The following TRRAP variants were observed in gnomAD, a reference collection of about 807,000 sequenced individuals.
TRRAP encodes the protein transformation/transcription domain associated protein, also known as transformation/transcription domain-associated protein.
In TRRAP, 41 loss-of-function variants were observed where a neutral mutation model predicts 438.8. The ratio of observed to expected loss-of-function variants is 0.09; its 90% confidence interval spans 0.07 to 0.12. The LOEUF is 0.12. TRRAP is among the 10% of genes least tolerant of loss of function. The pLI, the probability that TRRAP is intolerant of heterozygous loss-of-function variation, is 1.00. For synonymous variants in TRRAP, 1,994 were observed against 1,962.9 expected (o/e 1.02, Z -0.42); for missense variants, 3,122 against 5,055.1 (o/e 0.62, Z 11.60).
intron 62 of TRRAP, among the ~76,000 whole-genome samples, chr7:98,986,324 T>C (rs1179379593): frequency 6.6e-6 from 1 of 152,370 alleles, no homozygotes; most frequent in African/African-American, 2.4e-5. Flanking sequence ...CTGGGTCATA[T>C]TGTACTTCTC....
chr7:98,891,140 C>T (rs747894995), intron 4 of TRRAP, among the ~76,000 whole-genome samples: 52 of 149,324 alleles, frequency 3.5e-4, no homozygotes, highest in South Asian at 8.5e-4. Context: ...TTTATCGACA[C>T]GCCCCCAACA....
intron 3 of TRRAP, among the ~76,000 whole-genome samples, chr7:98,889,942 A>C (rs1795892616): frequency 6.6e-6 from 1 of 152,204 alleles, no homozygotes; most frequent in South Asian, 2.1e-4. Context: ...TAATTAGCAC[A>C]TAATGAATAT....
At chr7:98,937,061 C>A in intron 28 of TRRAP, 95 bp from the exon 29 acceptor site, 1 of 1,408,102 alleles carries the variant, frequency 7.1e-7, no homozygotes, top group South Asian at 1.4e-5. Flanking sequence ...GACACCTTCT[C>A]TACCAAATAA....
chr7:98,884,441 C>T (rs555098951), intron 3 of TRRAP, among the ~76,000 whole-genome samples: 56 of 151,998 alleles, frequency 3.7e-4, no homozygotes, highest in Non-Finnish European at 5.6e-4. Context: ...CGCCTTGTTG[C>T]CCAGGCTGGT....
intron 31 of TRRAP, among the ~76,000 whole-genome samples, chr7:98,944,091 A>G (rs1790929319): frequency 6.6e-6 from 1 of 152,226 alleles, no homozygotes; most frequent in African/African-American, 2.4e-5. Flanking sequence ...TATATGTGGA[A>G]GAGAATCAGG....
chr7:98,911,313 CT>C, intron 17 of TRRAP, 42 bp downstream of exon 17: 1 of 1,511,580 alleles, frequency 6.6e-7, no homozygotes, highest in Non-Finnish European at 9.0e-7. Flanking sequence ...CATTACAATT[CT>C]TTGTTTATGT....
Position 98,976,398 on chromosome 7 carries a change from A to C in TRRAP, c.7960-85A>C, listed in dbSNP as rs1792658685. 1.3e-6 allele frequency: 2 copies of C among 1,571,202 alleles called. No homozygotes were observed. The highest frequency in any genetic ancestry group is 1.7e-6 in the Non-Finnish European group (2 of 1,161,538). On this transcript the variant is annotated intron_variant, in intron 54 of 72. Transcript: ENST00000456197. This position sits in a 1 kb window ranked among gnomAD's most constrained non-coding sequence, Gnocchi z 4.6. ...CCGCTGGCTGTCACTCGAGCGAATT[A>C]GGAAAGGTATTCTTGCATCGAGAGA...
At chr7:98,957,876 G>T (rs1554420215) in intron 43 of TRRAP, 105 bp from the exon 44 acceptor site, 13 of 946,986 alleles carry the variant, frequency 1.4e-5, no homozygotes, top group Non-Finnish European at 1.8e-5. Flanking sequence ...AGCTGCCTCT[G>T]TCCCCGGGAG....
In TRRAP at chr7:99,001,807, C is replaced by T. The variant is rs139798053; in HGVS notation, c.10310-2383C>T. ...CTCAGAAATGGCGCACTCCATTTATCCCACAGAAATGAAGACTTCCATTCA... is the reference window on the plus strand; with the variant it reads ...CTCAGAAATGGCGCACTCCATTTATTCCACAGAAATGAAGACTTCCATTCA... On this transcript the variant is annotated intron_variant, in intron 67 of 72. Transcript: ENST00000456197. Among the ~76,000 whole-genome samples, 32 of 152,290 alleles carry T rather than the reference C, an allele frequency of 2.1e-4. No individual in the cohort carries two copies. In the East Asian group the frequency reaches 6.2e-3, roughly 29 times the overall value.
chr7:98,962,542 G>A (rs895928808), intron 47 of TRRAP, 115 bp downstream of exon 47: 18 of 1,563,126 alleles, frequency 1.2e-5, no homozygotes, highest in Middle Eastern at 1.7e-4. Flanking sequence ...GCTTTGAGCC[G>A]CTGCGTTGTT....
At chr7:98,913,634 T>A (rs562546847) in intron 18 of TRRAP, among the ~76,000 whole-genome samples, 26 of 152,320 alleles carry the variant, frequency 1.7e-4, no homozygotes, top group African/African-American at 6.3e-4. Flanking sequence ...CTTGGCAATA[T>A]GTAAATGACA....
rs1308411570 is a variant in TRRAP at position 98,950,935 on chromosome 7, G to A, written c.5394G>A (p.Glu1798=). ...ACAGCTTTGAGAAGGGGGAAGGAGA[G>A]CAGCTCTTGGGACCTCCCAATCCAG... The part of the protein sequence containing the change: ...FLYSFEKGEG[E]QLLGPPNPEG... The change falls in exon 39 of 73, where the codon GAG becomes GAA. Residue 1798 remains glutamate (E), a synonymous_variant. Coordinates refer to ENST00000456197, the MANE Select transcript of TRRAP (RefSeq NM_001375524.1). 4 of 1,609,566 alleles carry A rather than the reference G, an allele frequency of 2.5e-6. No individual in the cohort carries two copies. The highest frequency in any genetic ancestry group is 3.4e-6 in the Non-Finnish European group (4 of 1,178,504).
intron 59 of TRRAP, among the ~76,000 whole-genome samples, chr7:98,982,509 C>G (rs1190873788): frequency 6.6e-6 from 1 of 152,152 alleles, no homozygotes. Flanking sequence ...CGGGCATAGC[C>G]ATAGAAACAA....
chr7:98,982,605 T>C (rs1018251025), intron 59 of TRRAP, among the ~76,000 whole-genome samples: 5 of 152,050 alleles, frequency 3.3e-5, no homozygotes, highest in South Asian at 2.1e-4. Context: ...AAGGAAGATA[T>C]CGTGTGCGCC....
rs1449758068 is a variant in TRRAP at position 98,962,556 on chromosome 7, G to T, written c.6829+129G>T. 1.9e-6 allele frequency: 3 copies of T among 1,539,304 alleles called. No individual in the cohort carries two copies. In the East Asian group the frequency reaches 6.8e-5, roughly 35 times the overall value. The stretch of plus-strand genomic sequence containing the variant: ...AGCTTTGAGCCGCTGCGTTGTTCAG[G>T]TGTCTGTTGCCTGGGGCCCTCAAGG... On this transcript the variant is annotated intron_variant, in intron 47 of 72. Transcript: ENST00000456197.
chr7:98,893,194 C>T (rs544750580), intron 5 of TRRAP, among the ~76,000 whole-genome samples: 1 of 152,326 alleles, frequency 6.6e-6, no homozygotes, highest in East Asian at 1.9e-4. Flanking sequence ...TTGTGATCCA[C>T]CCGCTTTGGC....
intron 8 of TRRAP, among the ~76,000 whole-genome samples, chr7:98,898,360 G>T (rs1796318595): frequency 6.6e-6 from 1 of 152,172 alleles, no homozygotes; most frequent in South Asian, 2.1e-4. Flanking sequence ...CTTTGTGAAG[G>T]TAATGCTGGC....
At chr7:98,964,202 T>C (rs1044584117) in intron 47 of TRRAP, among the ~76,000 whole-genome samples, 2 of 152,250 alleles carry the variant, frequency 1.3e-5, no homozygotes, top group Non-Finnish European at 2.9e-5. Flanking sequence ...CTGATTTTTA[T>C]TGATCTTAGG....
At chr7:98,969,928 G>A (rs1792333874) in intron 51 of TRRAP, among the ~76,000 whole-genome samples, 184 bp from the exon 52 acceptor site, 1 of 152,208 alleles carries the variant, frequency 6.6e-6, no homozygotes, top group East Asian at 1.9e-4. Context: ...TGTGGACGAT[G>A]CCTTGGAGGG....
Sources: allele counts gnomAD v4.1 joint callset (sites outside exome capture counted in the v4.1 genomes callset), GRCh38; gene constraint gnomAD v4.1.1; non-coding constraint Gnocchi (gnomAD v3.1); transcripts MANE v1.5; gene names NCBI Gene and HGNC (gene_info 2026-07-23, HGNC 2026-07-21).